PREX2: variants seen among roughly 807,000 people sequenced by gnomAD.
PREX2 encodes phosphatidylinositol-3,4,5-trisphosphate dependent Rac exchange factor 2.
Under a neutral mutation model 203.2 loss-of-function variants are expected in PREX2, and 107 were observed. That is an observed-to-expected ratio of 0.53 (90% CI 0.45 to 0.62). PREX2 has a LOEUF of 0.62. Ranked by LOEUF, PREX2 falls within the 20% of genes least tolerant of loss-of-function variation. The pLI, the probability that PREX2 is intolerant of heterozygous loss-of-function variation, is 0.00. For missense variants in PREX2, 1,777 were observed against 1,955.9 expected (o/e 0.91, Z 1.72); for synonymous variants, 672 against 663.6 (o/e 1.01, Z -0.19).
chr8:68,088,904 GTT>G (rs1330715796), intron 19 of PREX2, among the ~76,000 whole-genome samples: 1 of 152,168 alleles, frequency 6.6e-6, no homozygotes, highest in Non-Finnish European at 1.5e-5. Context: ...AAAGAGCAAG[GTT>G]CTATCTTTGG....
chr8:68,081,995 C>A (rs1347819183), intron 17 of PREX2, among the ~76,000 whole-genome samples: 1 of 151,924 alleles, frequency 6.6e-6, no homozygotes, highest in Non-Finnish European at 1.5e-5. Flanking sequence ...CTGCACCCAG[C>A]AACTTTACCA....
chr8:68,201,900 A>ATTTTTT (rs869153263), intron 37 of PREX2, among the ~76,000 whole-genome samples: 32 of 98,246 alleles, frequency 3.3e-4, no homozygotes, highest in African/African-American at 7.0e-4. Flanking sequence ...GGTAACACCT[A>ATTTTTT]TTTTTTTTTT....
intron 30 of PREX2, among the ~76,000 whole-genome samples, chr8:68,123,491 T>C (rs574085136): frequency 1.5e-4 from 23 of 151,882 alleles, no homozygotes; most frequent in Non-Finnish European, 2.7e-4. Context: ...GACCACTAGC[T>C]GGGCTAGTAA....
At chr8:68,099,472 CTTCACTGACAGCGCCTCCTGACTGAAGGT>C (rs1810194632) in intron 22 of PREX2, among the ~76,000 whole-genome samples, 181 bp from the exon 23 acceptor site, 1 of 152,180 alleles carries the variant, frequency 6.6e-6, no homozygotes, top group South Asian at 2.1e-4. Context: ...AGTCAGATCA[CTTCACTGACAGCGCCTCCTGACTGAAGGT>C]AGAAATTCCC....
Position 68,019,344 on chromosome 8 carries a change from C to G in PREX2, c.214-205C>G, listed in dbSNP as rs573939676. On this transcript the variant is annotated intron_variant, in intron 2 of 39. Transcript: ENST00000288368. ...TTGGGTTGGGCAACCGAGGCCTTGC[C>G]CTGAGAGCCAGCCATGGGCTTCTGG... Among the ~76,000 whole-genome samples the G allele has an allele frequency of 8.5e-4, 130 of 152,292 alleles. 1 individual carries two copies. The highest frequency in any genetic ancestry group is 3.4e-3 in the Middle Eastern group (1 of 294).
At chr8:67,954,508 G>A (rs973989378) in intron 1 of PREX2, among the ~76,000 whole-genome samples, 6 of 152,162 alleles carry the variant, frequency 3.9e-5, no homozygotes, top group African/African-American at 1.4e-4. Context: ...TGTACCAAGA[G>A]CTTTTAATCT....
chr8:68,004,785 A>G (rs1245775430), intron 1 of PREX2, among the ~76,000 whole-genome samples: 6 of 152,216 alleles, frequency 3.9e-5, no homozygotes, highest in Non-Finnish European at 7.3e-5. Flanking sequence ...ATAAAAAAGA[A>G]TTAGAAACCA....
At chr8:67,959,625 T>C (rs969914854) in intron 1 of PREX2, among the ~76,000 whole-genome samples, 1 of 152,190 alleles carries the variant, frequency 6.6e-6, no homozygotes, top group Admixed American at 6.5e-5. Context: ...TCTGAAATTT[T>C]CTGAGCCATC....
intron 14 of PREX2, 142 bp downstream of exon 14, chr8:68,072,712 G>A (rs1051658644): frequency 2.0e-6 from 1 of 508,750 alleles, no homozygotes; most frequent in African/African-American, 2.0e-5. Context: ...AGCAGAGTTA[G>A]GATTTGAACC....
At chr8:68,068,035 A>G (rs1279692066) in intron 11 of PREX2, among the ~76,000 whole-genome samples, 1 of 152,024 alleles carries the variant, frequency 6.6e-6, no homozygotes, top group African/African-American at 2.4e-5. Flanking sequence ...CATGTGTTGA[A>G]CCACCCTTAG....
At position 68,120,280 on chromosome 8, in the gene PREX2, T is replaced by C. The variant is rs771277102; in HGVS notation, c.3589T>C (p.Leu1197=). The change falls in exon 29 of 40, where the codon TTG becomes CTG. Residue 1197 remains leucine, a synonymous_variant. Coordinates refer to ENST00000288368, the MANE Select transcript of PREX2 (RefSeq NM_024870.4). ...QTKYLTPGRG[L]QEFQQEMEPK... Reference sequence around the variant, plus strand: ...CAAGTATCTCACTCCAGGCCGAGGATTGCAAGGTAAGCCTTGAAAAATTAA... The same window carrying C: ...CAAGTATCTCACTCCAGGCCGAGGACTGCAAGGTAAGCCTTGAAAAATTAA... 5.6e-6 allele frequency: 9 copies of C among 1,613,004 alleles called. No individual in the cohort carries two copies. In the South Asian group the frequency reaches 7.7e-5, roughly 14 times the overall value.
At chr8:67,964,132 C>T (rs1805706313) in intron 1 of PREX2, among the ~76,000 whole-genome samples, 1 of 152,158 alleles carries the variant, frequency 6.6e-6, no homozygotes, top group East Asian at 1.9e-4. Context: ...GCTGACTTAC[C>T]ACTACACTTT....
intron 27 of PREX2, among the ~76,000 whole-genome samples, chr8:68,119,026 A>G (rs879153512): frequency 1.3e-5 from 2 of 152,184 alleles, no homozygotes; most frequent in South Asian, 4.1e-4. Flanking sequence ...CTAGCTTTAT[A>G]TGTGGATGTT....
intron 35 of PREX2, among the ~76,000 whole-genome samples, chr8:68,176,430 G>A (rs1811982175): frequency 6.6e-6 from 1 of 152,144 alleles, no homozygotes; most frequent in African/African-American, 2.4e-5. Flanking sequence ...TAATGATGTG[G>A]AATTTGCTGC....
At chr8:68,096,195 C>T (rs1342889703) in intron 21 of PREX2, among the ~76,000 whole-genome samples, 1 of 152,060 alleles carries the variant, frequency 6.6e-6, no homozygotes, top group Non-Finnish European at 1.5e-5. Flanking sequence ...ACGTTGGTGC[C>T]ACATTGAAAG....
intron 1 of PREX2, among the ~76,000 whole-genome samples, chr8:67,996,620 T>A (rs13268360): frequency 6.6e-6 from 1 of 151,770 alleles, no homozygotes. Context: ...GTATTTTTGA[T>A]GGGGACAAAA....
chr8:68,224,267 T>A (rs916466894), intron 38 of PREX2, among the ~76,000 whole-genome samples: 1 of 152,140 alleles, frequency 6.6e-6, no homozygotes, highest in Non-Finnish European at 1.5e-5. Flanking sequence ...CCCTTCCACG[T>A]TGGCCCCTCA....
At chr8:68,193,020 T>C (rs1812328041) in intron 37 of PREX2, among the ~76,000 whole-genome samples, 1 of 151,976 alleles carries the variant, frequency 6.6e-6, no homozygotes, top group South Asian at 2.1e-4. Flanking sequence ...TTCCAGAAAA[T>C]GTAAGGGGAA....
intron 35 of PREX2, among the ~76,000 whole-genome samples, chr8:68,158,178 C>G (rs1275070601): frequency 6.6e-6 from 1 of 150,382 alleles, no homozygotes; most frequent in Admixed American, 6.7e-5. Flanking sequence ...TTCACACACA[C>G]ATATCTCCTT....
Sources: gnomAD v4.1 joint callset for allele counts (sites outside exome capture counted in the v4.1 genomes callset) on GRCh38, gnomAD v4.1.1 for gene constraint, MANE v1.5 for transcripts, NCBI Gene and HGNC (gene_info 2026-07-23, HGNC 2026-07-21) for gene names.